The following CCDC154 variants were observed in gnomAD, a reference collection of about 807,000 sequenced individuals.
CCDC154 encodes coiled-coil domain containing 154.
In CCDC154, 91 loss-of-function variants were observed where a neutral mutation model predicts 87.5. That is an observed-to-expected ratio of 1.04 (90% CI 0.88 to 1.24). The LOEUF (loss-of-function observed/expected upper bound fraction) is 1.24, where lower values mean the gene tolerates loss of function less well. CCDC154 is among the 50% of genes most tolerant of loss of function. The pLI, the probability that CCDC154 is intolerant of heterozygous loss-of-function variation, is 0.00. For missense variants in CCDC154, 903 were observed against 879.2 expected (o/e 1.03, Z -0.34); for synonymous variants, 418 against 400.4 (o/e 1.04, Z -0.52).
intron 16 of CCDC154, 46 bp from the exon 17 acceptor site, chr16:1,434,580 C>A (rs904051751): frequency 2.6e-6 from 4 of 1,522,704 alleles, no homozygotes; most frequent in African/African-American, 2.8e-5. Context: ...CGCCCCACCC[C>A]CCATGGCCCA....
intron 4 of CCDC154, 130 bp downstream of exon 4, chr16:1,443,131 G>T (rs2038570652): frequency 1.9e-5 from 25 of 1,349,616 alleles, no homozygotes; most frequent in Non-Finnish European, 2.6e-5. Flanking sequence ...TTTTCTAGCT[G>T]GACCTGGATG....
chr16:1,436,214 C>T, intron 13 of CCDC154, 128 bp from the exon 14 acceptor site: 1 of 883,750 alleles, frequency 1.1e-6, no homozygotes, highest in East Asian at 2.7e-5. Flanking sequence ...CCCTGTCACC[C>T]CTCCAGTGGG....
In CCDC154 at chr16:1,442,442, G is replaced by A; in HGVS notation, c.639C>T (p.Ser213=). ...CGALQKNQED[S]SRRVDLEVAR... is the part of the protein sequence containing the mutation. ...CCACCTCCAGGTCCACCCTCCGGCT[G>A]CTGTCCTCTTGGTTCTTCTGCAGGG... is the stretch of plus-strand genomic sequence containing the variant. The change falls in exon 6 of 17, where the codon AGC becomes AGT. Residue 213 remains serine, a synonymous_variant. Coordinates refer to ENST00000389176, the MANE Select transcript of CCDC154 (RefSeq NM_001143980.3). The A allele has an allele frequency of 6.5e-7, 1 of 1,550,010 alleles. No homozygotes were observed. The highest frequency in any genetic ancestry group is 8.7e-7 in the Non-Finnish European group (1 of 1,146,656).
Position 1,435,988 on chromosome 16 carries a change from A to C in CCDC154, c.1586T>G (p.Met529Arg). The change falls in exon 14 of 17, where the codon ATG (methionine) becomes AGG (arginine). Residue 529 changes from methionine (M) to arginine (R), a missense_variant. Coordinates refer to ENST00000389176, the MANE Select transcript of CCDC154 (RefSeq NM_001143980.3). ...GACTACCGTGGCCAGCTTGCCCTGCATCTCCGCGATCTTCCGCCCAGGGTT... is the reference window on the plus strand; with the variant it reads ...GACTACCGTGGCCAGCTTGCCCTGCCTCTCCGCGATCTTCCGCCCAGGGTT... ...EDNPGRKIAE[M>R]QGKLATFQNQ... 1 of 1,549,396 alleles carries C rather than the reference A, an allele frequency of 6.5e-7. No homozygotes were observed. Among genetic ancestry groups the C allele is most frequent in the Non-Finnish European group, 8.7e-7 (1 of 1,146,506 alleles).
intron 1 of CCDC154, 97 bp from the exon 2 acceptor site, chr16:1,444,109 CCACCCAGAGCT>C: frequency 9.3e-7 from 1 of 1,070,272 alleles, no homozygotes; most frequent in Admixed American, 2.5e-5. Context: ...CCCTCGCCCA[CCACCCAGAGCT>C]CAACGCGTCT....
At chr16:1,436,410 G>A (rs2038502271) in intron 13 of CCDC154, 35 bp downstream of exon 13, 9 of 1,505,956 alleles carry the variant, frequency 6.0e-6, no homozygotes, top group Non-Finnish European at 2.7e-6. Context: ...GGTCAGCAGA[G>A]CCCCTGCCCC....
rs1302909082 is a variant in CCDC154 at position 1,439,100 on chromosome 16, C to T, written c.702G>A (p.Glu234=). ...MQAQVTKLGE[E]VSLRFLKREA... is the part of the protein sequence containing the mutation. ...CCCTCTTCAGGAAGCGCAGGCTCAC[C>T]TCTTCGCCGAGCTTGGTCACCTGGG... The change falls in exon 7 of 17, where the codon GAG becomes GAA. Residue 234 remains glutamate (E), a synonymous_variant. Transcript: ENST00000389176. 1.0e-5 allele frequency: 16 copies of T among 1,550,212 alleles called. No individual in the cohort carries two copies. The highest frequency in any genetic ancestry group is 1.1e-5 in the Non-Finnish European group (13 of 1,146,878).
Position 1,435,880 on chromosome 16 carries a change from T to A in CCDC154, c.1605+89A>T, listed in dbSNP as rs1246323376. ...GCTGGCTGGAAAATGCCCCGTAGGC[T>A]GGGGGTCCTGCCTCTCCGCACGGCT... On this transcript the variant is annotated intron_variant, in intron 14 of 16. Transcript: ENST00000389176. 5 of 1,118,982 alleles carry A rather than the reference T, an allele frequency of 4.5e-6. No homozygotes were observed. In the African/African-American group the frequency reaches 7.7e-5, roughly 17 times the overall value. The allele number at this position is 1,118,982 out of a possible 1,614,324, so 69.3% of individuals were successfully genotyped here. A position where few individuals can be genotyped will look rare whatever the true frequency, so the allele number is the denominator to read the frequency against.
chr16:1,443,988 CCT>C lies in CCDC154; in HGVS notation c.30_31del (p.Ala12IlefsTer38), dbSNP rs1290606446. On this transcript the variant is annotated frameshift_variant, in exon 2 of 17. Coordinates refer to ENST00000389176, the MANE Select transcript of CCDC154 (RefSeq NM_001143980.3). LOFTEE classifies it high-confidence loss of function. ...TCTCAGCTGGGAAGGGGCCGATGCC[CCT>C]GAGGGTCCACTGTCAGCCAACTCTA... 1.1e-5 allele frequency: 14 copies of C among 1,301,262 alleles called. No homozygotes were observed. Among genetic ancestry groups the C allele is most frequent in the Non-Finnish European group, 1.3e-5 (13 of 988,926 alleles). 80.6% of individuals were successfully genotyped at this position (1,301,262 alleles called of 1,614,324 possible).
At chr16:1,435,570 G>C (rs2038493934) in intron 14 of CCDC154, among the ~76,000 whole-genome samples, 1 of 152,184 alleles carries the variant, frequency 6.6e-6, no homozygotes, top group African/African-American at 2.4e-5. Flanking sequence ...TTGTTGCCCA[G>C]GTTAGAATGC....
rs1030210129 is a variant in CCDC154, at chr16:1,436,070, C to A, written c.1504G>T (p.Ala502Ser). The stretch of plus-strand genomic sequence containing the variant: ...AGCGTGGCCAGCTCCTGCCGCAGGG[C>A]CCCAACCTTGAACTCCCTATGGGCA... ...EGKAREFKVG[A>S]LRQELATLLS... is the part of the protein sequence containing the mutation. Residue 502 changes from alanine to serine, a missense_variant, in exon 14 of 17, where the codon GCC (alanine) becomes TCC (serine). Ala to Ser is a moderately conservative substitution (Grantham distance 99). Transcript: ENST00000389176. The A allele has an allele frequency of 4.5e-6, 7 of 1,550,144 alleles. No homozygotes were observed. The highest frequency in any genetic ancestry group is 6.1e-6 in the Non-Finnish European group (7 of 1,146,880).
intron 14 of CCDC154, 122 bp from the exon 15 acceptor site, chr16:1,435,297 T>C (rs1567256553): frequency 3.6e-6 from 3 of 839,146 alleles, no homozygotes; most frequent in African/African-American, 1.7e-5. Flanking sequence ...CCTGCTGAAA[T>C]GCTGGTCCTC....
rs2038561095 is a variant in CCDC154 at position 1,442,510 on chromosome 16, A to G, written c.571T>C (p.Leu191=). ...AGLRLAKLTD[L]LQQEEQGREV... is the part of the protein sequence containing the mutation. ...CGGCCCTGCTCCTCCTGCTGCAGCA[A>G]GTCGGTCAGCTTGGCCAGTCTAGAG... Residue 191 remains leucine (L), a synonymous_variant, in exon 6 of 17, where the codon TTG becomes CTG. Transcript: ENST00000389176. The G allele has an allele frequency of 2.6e-6, 4 of 1,546,786 alleles. No homozygotes were observed. The East Asian group carries it at 7.4e-5, about 28-fold the overall frequency.
rs971340801 is a variant in CCDC154 at position 1,443,501 on chromosome 16, C to T, written c.414+5G>A. The T allele has an allele frequency of 1.4e-6, 2 of 1,459,600 alleles. No homozygotes were observed. The highest frequency in any genetic ancestry group is 2.9e-5 in the African/African-American group (2 of 69,542). 90.4% of individuals were successfully genotyped at this position (1,459,600 alleles called of 1,614,324 possible). On this transcript the variant is annotated splice_donor_5th_base_variant and intron_variant, in intron 3 of 16. Coordinates refer to ENST00000389176, the MANE Select transcript of CCDC154 (RefSeq NM_001143980.3). ...GCTCGACCTGTGGGTGGGGGAGCCG[C>T]TCACCTCCGGCGCCTCCTTTTCGGG...
Position 1,438,150 on chromosome 16 carries a change from C to T in CCDC154, c.1052G>A (p.Ser351Asn). Residue 351 changes from serine to asparagine, a missense_variant, in exon 10 of 17, where the codon AGC (serine) becomes AAC (asparagine). Ser to Asn is a conservative substitution (Grantham distance 46, BLOSUM62 1). Coordinates refer to ENST00000389176, the MANE Select transcript of CCDC154 (RefSeq NM_001143980.3). ...ATAGGCGGCCAGCTCCCCAGCCCGG[C>T]TTTCCTCCAAGCGCCCCTTGGCGTC... ...AWDAKGRLEE[S>N]RAGELAAYVQ... is the part of the protein sequence containing the mutation. 1.9e-6 allele frequency: 3 copies of T among 1,546,240 alleles called. No homozygotes were observed. Among genetic ancestry groups the T allele is most frequent in the Non-Finnish European group, 2.6e-6 (3 of 1,144,648 alleles).
rs991663311 is a variant in CCDC154, at chr16:1,444,231, G to C, written c.7+85C>G. 3 of 1,253,084 alleles carry C rather than the reference G, an allele frequency of 2.4e-6. No individual in the cohort carries two copies. The Admixed American group carries it at 7.5e-5, about 31-fold the overall frequency. The allele number at this position is 1,253,084 out of a possible 1,614,324, so 77.6% of individuals were successfully genotyped here. On this transcript the variant is annotated intron_variant, in intron 1 of 16. Transcript: ENST00000389176. ...GCGGCAGGAACAAGCGAGCTGGAGG[G>C]AGCCCGGGGTCAGAAGCAGAGCGGT...
rs1283300801 is a variant in CCDC154, at chr16:1,434,861, C to T, written c.1693-9G>A. ...GCCATCTCCTGCGTGCGCTGTGGGA[C>T]GGGGATGCTGGTGTCACCCAGGAGC... On this transcript the variant is annotated splice_polypyrimidine_tract_variant and intron_variant, in intron 15 of 16. Coordinates refer to ENST00000389176, the MANE Select transcript of CCDC154 (RefSeq NM_001143980.3). 1.5e-5 allele frequency: 22 copies of T among 1,489,484 alleles called. No individual in the cohort carries two copies. The highest frequency in any genetic ancestry group is 1.8e-5 in the Non-Finnish European group (20 of 1,120,944). The allele number at this position is 1,489,484 out of a possible 1,614,324, so 92.3% of individuals were successfully genotyped here.
At position 1,443,430 on chromosome 16, in the gene CCDC154, G is replaced by C. The variant is rs972695351; in HGVS notation, c.414+76C>G. 9 of 1,431,360 alleles carry C rather than the reference G, an allele frequency of 6.3e-6. No homozygotes were observed. The Admixed American group carries it at 2.6e-4, about 41-fold the overall frequency. 88.7% of individuals were successfully genotyped at this position (1,431,360 alleles called of 1,614,324 possible). The stretch of plus-strand genomic sequence containing the variant: ...GGCCTGGGCAGCAGGGGTGAGCTGG[G>C]CTCCAGGCCCAGAAGCAGCTGCCCC... On this transcript the variant is annotated intron_variant, in intron 3 of 16. Transcript: ENST00000389176.
chr16:1,438,897 A>G lies in CCDC154; in HGVS notation c.824T>C (p.Leu275Pro), dbSNP rs767229385. The change falls in exon 8 of 17, where the codon CTG becomes CCG. Residue 275 changes from leucine (L) to proline (P), a missense_variant. Coordinates refer to ENST00000389176, the MANE Select transcript of CCDC154 (RefSeq NM_001143980.3). ...CCACCGGCTCTCCAGCTCGCCCCGCAGGCTGCCCTCCAGCTTCAGCCGTGA... is the reference window on the plus strand; with the variant it reads ...CCACCGGCTCTCCAGCTCGCCCCGCGGGCTGCCCTCCAGCTTCAGCCGTGA... ...ESSRLKLEGS[L>P]RGELESRWEK... 1 of 1,549,426 alleles carries G rather than the reference A, an allele frequency of 6.5e-7. No individual in the cohort carries two copies. The highest frequency in any genetic ancestry group is 1.2e-5 in the South Asian group (1 of 84,006).
Sources: gnomAD v4.1 joint callset for allele counts (sites outside exome capture counted in the v4.1 genomes callset) on GRCh38, gnomAD v4.1.1 for gene constraint, MANE v1.5 for transcripts, NCBI Gene and HGNC (gene_info 2026-07-23, HGNC 2026-07-21) for gene names.